The following MYO9A variants were observed in gnomAD, a reference collection of about 807,000 sequenced individuals.
MYO9A encodes the protein unconventional myosin-IXa.
A neutral mutation model predicts 293.3 loss-of-function variants in MYO9A; 103 were observed. The observed-to-expected ratio is 0.35, with a 90% CI of 0.30 to 0.41. The LOEUF is 0.41. MYO9A is among the 10% of genes least tolerant of loss of function. The pLI is 1.00. For synonymous variants in MYO9A, 1,001 were observed against 1,035.7 expected (o/e 0.97, Z 0.64); for missense variants, 2,685 against 3,033.0 (o/e 0.89, Z 2.69).
chr15:72,103,393 GAAGCAGCAGCAAGCAGC>G (rs910529323), intron 1 of MYO9A, among the ~76,000 whole-genome samples: 6 of 146,732 alleles, frequency 4.1e-5, no homozygotes, highest in Non-Finnish European at 7.4e-5. Context: ...AGCAGCAGCA[GAAGCAGCAGCAAGCAGC>G]AAGCAGCAGC....
chr15:71,855,770 G>A (rs932543487), intron 34 of MYO9A, among the ~76,000 whole-genome samples: 2 of 152,078 alleles, frequency 1.3e-5, no homozygotes, highest in African/African-American at 4.8e-5. Context: ...CTTTCTTGGC[G>A]AGTTTTCCCC....
At chr15:72,059,835 C>A (rs1360235797) in intron 1 of MYO9A, among the ~76,000 whole-genome samples, 1 of 152,102 alleles carries the variant, frequency 6.6e-6, no homozygotes, top group Non-Finnish European at 1.5e-5. Flanking sequence ...CAAGACTCAG[C>A]GCTTATTTTT....
At chr15:71,880,653 T>C in intron 28 of MYO9A, 95 bp from the exon 29 acceptor site, 1 of 1,080,208 alleles carries the variant, frequency 9.3e-7, no homozygotes, top group Non-Finnish European at 1.3e-6. Flanking sequence ...AACAAGTCAC[T>C]GAAGGAAACA....
At chr15:72,063,125 G>A (rs561333618) in intron 1 of MYO9A, among the ~76,000 whole-genome samples, 1 of 152,278 alleles carries the variant, frequency 6.6e-6, no homozygotes, top group Non-Finnish European at 1.5e-5. Flanking sequence ...TTTGACAAAG[G>A]TGCTAAGAAC....
intron 4 of MYO9A, among the ~76,000 whole-genome samples, chr15:72,026,395 T>C (rs999077949): frequency 2.7e-5 from 4 of 145,682 alleles, no homozygotes; most frequent in African/African-American, 5.1e-5. Flanking sequence ...AGCAAAATTA[T>C]AAAATACTCC....
intron 4 of MYO9A, 69 bp from the exon 5 acceptor site, chr15:72,021,086 G>A (rs1375394919): frequency 3.1e-6 from 3 of 958,468 alleles, no homozygotes; most frequent in African/African-American, 1.7e-5. Context: ...AGGGGGAGGG[G>A]GGAAGCAAAC....
At chr15:71,906,599 A>C (rs916713526) in intron 19 of MYO9A, among the ~76,000 whole-genome samples, 1 of 150,528 alleles carries the variant, frequency 6.6e-6, no homozygotes, top group African/African-American at 2.4e-5. Context: ...ACTTTGTCTG[A>C]CTCTACTATA....
intron 19 of MYO9A, among the ~76,000 whole-genome samples, chr15:71,914,848 T>C (rs1028392702): frequency 6.6e-6 from 1 of 152,232 alleles, no homozygotes; most frequent in Non-Finnish European, 1.5e-5. Context: ...TGATTATAAC[T>C]AAGTTTTTAT....
At chr15:71,886,585 A>G (rs1195328819) in intron 27 of MYO9A, among the ~76,000 whole-genome samples, 1 of 152,102 alleles carries the variant, frequency 6.6e-6, no homozygotes, top group African/African-American at 2.4e-5. Context: ...TAATTGGGGA[A>G]GGTCAGCCAG....
chr15:71,863,692 G>A (rs887934352), intron 32 of MYO9A, among the ~76,000 whole-genome samples: 1 of 152,058 alleles, frequency 6.6e-6, no homozygotes, highest in African/African-American at 2.4e-5. Context: ...AAATGTATGT[G>A]GTACAAGTGT....
At chr15:72,096,714 G>A (rs552160821) in intron 1 of MYO9A, among the ~76,000 whole-genome samples, 3 of 152,160 alleles carry the variant, frequency 2.0e-5, no homozygotes, top group Non-Finnish European at 4.4e-5. Flanking sequence ...CAAGGTAAAC[G>A]TAAAACCTTC....
chr15:71,956,835 A>G (rs1014533711), intron 14 of MYO9A, among the ~76,000 whole-genome samples: 1 of 115,384 alleles, frequency 8.7e-6, no homozygotes, highest in African/African-American at 3.5e-5. Context: ...CTATATATAT[A>G]TACACACACA....
intron 18 of MYO9A, among the ~76,000 whole-genome samples, chr15:71,930,867 C>A (rs921024441): frequency 1.3e-5 from 2 of 152,142 alleles, no homozygotes; most frequent in African/African-American, 4.8e-5. Context: ...AAGGTGGTCA[C>A]CTTGAGGCTT....
chr15:71,828,101 A>C, intron 40 of MYO9A, 75 bp from the exon 41 acceptor site: 2 of 1,501,828 alleles, frequency 1.3e-6, no homozygotes, highest in Admixed American at 4.2e-5. Context: ...AAGATCCTCC[A>C]TGGAAGTCAG....
intron 11 of MYO9A, among the ~76,000 whole-genome samples, chr15:71,986,409 A>G (rs2076408489): frequency 6.6e-6 from 1 of 152,194 alleles, no homozygotes; most frequent in African/African-American, 2.4e-5. Context: ...TCTACATTAC[A>G]GTCTCTACCA....
Position 71,878,209 on chromosome 15 carries a change from C to A in MYO9A, c.5762G>T (p.Arg1921Leu). ...AAATAGTGCATAGAGGTCTTTATAC[C>A]GTATGCTTTTCCCATCATCCATCTA... ...ALAMDDGKSI[R>L]YKDLYALFEQ... The change falls in exon 31 of 42, where the codon CGG becomes CTG. Residue 1921 changes from arginine to leucine, a missense_variant. Transcript: ENST00000356056. The A allele has an allele frequency of 6.4e-7, 1 of 1,554,870 alleles. No individual in the cohort carries two copies. The highest frequency in any genetic ancestry group is 8.7e-7 in the Non-Finnish European group (1 of 1,155,576).
chr15:71,958,201 T>C (rs1054752900), intron 14 of MYO9A, among the ~76,000 whole-genome samples: 5 of 152,190 alleles, frequency 3.3e-5, no homozygotes, highest in Non-Finnish European at 7.4e-5. Flanking sequence ...TTCTACTTCG[T>C]CTTAATCTGT....
At chr15:72,089,851 C>T (rs2079851656) in intron 1 of MYO9A, among the ~76,000 whole-genome samples, 1 of 152,148 alleles carries the variant, frequency 6.6e-6, no homozygotes, top group African/African-American at 2.4e-5. Context: ...AAAGTTCAAA[C>T]TTAAAAGTTT....
Position 71,925,940 on chromosome 15 carries a change from T to C in MYO9A, c.2562+7730A>G, listed in dbSNP as rs184808698. ...TTGCATATTTTTATCACGGTAGTTA[T>C]CTTACCATATTTCTTGTGTCCCCGT... On this transcript the variant is annotated intron_variant, in intron 18 of 41. Transcript: ENST00000356056. 2.0e-5 allele frequency among the ~76,000 whole-genome samples: 3 copies of C among 152,344 alleles called. No individual in the cohort carries two copies. In the East Asian group the frequency reaches 5.8e-4, roughly 29 times the overall value.
Sources: gnomAD v4.1 joint callset for allele counts (sites outside exome capture counted in the v4.1 genomes callset) on GRCh38, gnomAD v4.1.1 for gene constraint, MANE v1.5 for transcripts, NCBI Gene and HGNC (gene_info 2026-07-23, HGNC 2026-07-21) for gene names.